The following NLGN1 variants were observed in gnomAD, a reference collection of about 807,000 sequenced individuals.
NLGN1 encodes neuroligin 1, also known as neuroligin-1.
Under a neutral mutation model 65.5 loss-of-function variants are expected in NLGN1, and 12 were observed. That is an observed-to-expected ratio of 0.18 (90% CI 0.12 to 0.30). NLGN1 has a LOEUF of 0.30. Among genes scored for constraint, NLGN1 ranks in the 10% least tolerant of loss-of-function variants. The probability of loss-of-function intolerance (pLI) is 1.00; values close to 1 mark genes in which losing one functional copy is unlikely to be tolerated. For synonymous variants in NLGN1, 350 were observed against 359.5 expected (o/e 0.97, Z 0.30); for missense variants, 750 against 1,007.1 (o/e 0.74, Z 3.46).
intron 3 of NLGN1, among the ~76,000 whole-genome samples, chr3:173,738,944 C>T (rs961289134): frequency 6.6e-6 from 1 of 151,796 alleles, no homozygotes; most frequent in African/African-American, 2.4e-5. Flanking sequence ...ACAGTGAAAC[C>T]CCCTTGCAGA....
At chr3:174,264,684 G>A (rs1349467292) in intron 4 of NLGN1, among the ~76,000 whole-genome samples, 3 of 151,624 alleles carry the variant, frequency 2.0e-5, no homozygotes, top group Non-Finnish European at 4.4e-5. Context: ...CCCTCAGCTC[G>A]TCAAAGTCAT....
chr3:173,561,312 C>A (rs1271369078), intron 2 of NLGN1, among the ~76,000 whole-genome samples: 1 of 152,184 alleles, frequency 6.6e-6, no homozygotes, highest in Non-Finnish European at 1.5e-5. Flanking sequence ...GTCTCTGGTA[C>A]AACACGCCTT....
intron 2 of NLGN1, among the ~76,000 whole-genome samples, chr3:173,532,211 A>G (rs1577133432): frequency 6.6e-6 from 1 of 152,108 alleles, no homozygotes; most frequent in South Asian, 2.1e-4. Flanking sequence ...TTCATTTGCT[A>G]TATACATCTT....
chr3:174,233,357 A>G (rs748060112), intron 4 of NLGN1, among the ~76,000 whole-genome samples: 14 of 151,916 alleles, frequency 9.2e-5, no homozygotes, highest in Non-Finnish European at 1.8e-4. Context: ...GTGGTGGCGC[A>G]TGCCTGTAAT....
intron 3 of NLGN1, among the ~76,000 whole-genome samples, chr3:173,615,015 G>A (rs1049915885): frequency 1.3e-5 from 2 of 152,044 alleles, no homozygotes; most frequent in Admixed American, 6.6e-5. Flanking sequence ...ACTCTGAAAG[G>A]CCAGAGATGA....
At chr3:173,818,661 G>A (rs1719528038) in intron 4 of NLGN1, among the ~76,000 whole-genome samples, 1 of 152,112 alleles carries the variant, frequency 6.6e-6, no homozygotes, top group South Asian at 2.1e-4. Context: ...TATTTGATCT[G>A]TGGAATGGAC....
At chr3:174,196,816 A>T (rs9839814) in intron 4 of NLGN1, among the ~76,000 whole-genome samples, 31,295 of 152,134 alleles carry the variant, frequency 0.21, 3,623 homozygotes, top group African/African-American at 0.31. Flanking sequence ...AGAACTTTGC[A>T]TACGCCAAGA....
chr3:173,415,164 A>T (rs563338575), intron 1 of NLGN1, among the ~76,000 whole-genome samples: 1 of 152,362 alleles, frequency 6.6e-6, no homozygotes, highest in Admixed American at 6.5e-5. Flanking sequence ...TAGATTTAAC[A>T]TTATTCCAAA....
intron 3 of NLGN1, among the ~76,000 whole-genome samples, chr3:173,785,640 G>A (rs1337718221): frequency 1.3e-5 from 2 of 151,632 alleles, no homozygotes; most frequent in East Asian, 3.9e-4. Flanking sequence ...TATTTTAATG[G>A]CATACAGAGG....
intron 4 of NLGN1, among the ~76,000 whole-genome samples, chr3:174,196,740 T>A (rs1733495407): frequency 6.6e-6 from 1 of 152,194 alleles, no homozygotes; most frequent in African/African-American, 2.4e-5. Flanking sequence ...AGTTAAATTT[T>A]AAATAATTGC....
At chr3:173,466,812 C>G (rs186322169) in intron 2 of NLGN1, among the ~76,000 whole-genome samples, 1 of 152,058 alleles carries the variant, frequency 6.6e-6, no homozygotes, top group East Asian at 1.9e-4. Flanking sequence ...TGTAATACAC[C>G]TCACTTACCT....
intron 2 of NLGN1, among the ~76,000 whole-genome samples, chr3:173,495,503 C>T (rs773423222): frequency 1.3e-4 from 20 of 151,312 alleles, no homozygotes; most frequent in Non-Finnish European, 2.7e-4. Context: ...AGTATGGCCT[C>T]TAGTAAAACA....
intron 2 of NLGN1, among the ~76,000 whole-genome samples, chr3:173,485,962 TA>T (rs1278206821): frequency 6.6e-6 from 1 of 152,184 alleles, no homozygotes; most frequent in Non-Finnish European, 1.5e-5. Flanking sequence ...GTTTGTTTTT[TA>T]ACCTCTCAGA....
At chr3:174,015,056 T>A (rs191944327) in intron 4 of NLGN1, among the ~76,000 whole-genome samples, 10 of 152,284 alleles carry the variant, frequency 6.6e-5, no homozygotes, top group Admixed American at 6.5e-4. Flanking sequence ...AAAAGCATAG[T>A]CTTATTTACC....
At chr3:173,806,644 C>G (rs888850467) in intron 3 of NLGN1, among the ~76,000 whole-genome samples, 2 of 151,888 alleles carry the variant, frequency 1.3e-5, no homozygotes, top group Non-Finnish European at 2.9e-5. Context: ...CTATATAATA[C>G]GTAGATAGAA....
chr3:173,553,246 T>A (rs1268721281), intron 2 of NLGN1, among the ~76,000 whole-genome samples: 1 of 152,058 alleles, frequency 6.6e-6, no homozygotes, highest in Non-Finnish European at 1.5e-5. Flanking sequence ...TGCCTGTGAA[T>A]AGATGCAAAA....
chr3:174,292,329 G>C, the NLGN1 span, among the ~76,000 whole-genome samples: 3 of 151,204 alleles, frequency 2.0e-5, no homozygotes, highest in African/African-American at 7.2e-5. Context: ...TAGAGGTCTG[G>C]GGAACAAACC....
At chr3:173,576,993 A>T in intron 2 of NLGN1, among the ~76,000 whole-genome samples, 1 of 152,176 alleles carries the variant, frequency 6.6e-6, no homozygotes, top group Non-Finnish European at 1.5e-5. Flanking sequence ...CATCTGGGCG[A>T]TGCTGCTGAC....
At chr3:173,751,116 G>A (rs907472593) in intron 3 of NLGN1, among the ~76,000 whole-genome samples, 7 of 152,024 alleles carry the variant, frequency 4.6e-5, no homozygotes, top group African/African-American at 1.7e-4. Flanking sequence ...AACTATAGAA[G>A]TATAGCTTCA....
Sources: gnomAD v4.1 joint callset for allele counts (sites outside exome capture counted in the v4.1 genomes callset) on GRCh38, gnomAD v4.1.1 for gene constraint, MANE v1.5 for transcripts, NCBI Gene and HGNC (gene_info 2026-07-23, HGNC 2026-07-21) for gene names.